STPG2: variants seen among roughly 807,000 people sequenced by gnomAD.
The protein encoded by STPG2 is sperm-tail PG-rich repeat-containing protein 2.
A neutral mutation model predicts 54.2 loss-of-function variants in STPG2; 56 were observed. The observed-to-expected ratio is 1.03, with a 90% CI of 0.83 to 1.29. The LOEUF (loss-of-function observed/expected upper bound fraction) is 1.29. Ranked by LOEUF, STPG2 falls within the 50% of genes most tolerant of loss-of-function variation. STPG2 has a pLI of 0.00. For missense variants in STPG2, 596 were observed against 544.9 expected (o/e 1.09, Z -0.93); for synonymous variants, 200 against 181.8 (o/e 1.10, Z -0.81).
intron 9 of STPG2, among the ~76,000 whole-genome samples, chr4:97,775,447 A>C (rs977937829): frequency 6.6e-6 from 1 of 152,114 alleles, no homozygotes; most frequent in Admixed American, 6.6e-5. Context: ...TAAATAAATA[A>C]AAATAAAATA....
chr4:97,838,820 T>C (rs1259954562), intron 9 of STPG2, among the ~76,000 whole-genome samples: 1 of 151,606 alleles, frequency 6.6e-6, no homozygotes, highest in African/African-American at 2.4e-5. Context: ...AAATTTCATA[T>C]ATCATGGTAT....
At chr4:97,452,284 CCTT>C (rs1250618688) in intron 4 of STPG2, among the ~76,000 whole-genome samples, 1 of 152,118 alleles carries the variant, frequency 6.6e-6, no homozygotes, top group Non-Finnish European at 1.5e-5. Context: ...GCTCTCCACA[CCTT>C]CTCCAATTTT....
intron 3 of STPG2, among the ~76,000 whole-genome samples, chr4:98,119,367 A>T (rs2865955): frequency 1.3e-4 from 19 of 151,804 alleles, no homozygotes. Context: ...AAATAAATAA[A>T]CTGTACTCTT....
intron 7 of STPG2, among the ~76,000 whole-genome samples, chr4:97,948,824 GGT>G (rs1345770072): frequency 2.6e-5 from 4 of 151,984 alleles, no homozygotes; most frequent in African/African-American, 9.7e-5. Context: ...CTTGTTTTGT[GGT>G]GTGTCATATA....
intron 8 of STPG2, among the ~76,000 whole-genome samples, chr4:97,900,613 T>C (rs1039366722): frequency 2.0e-5 from 3 of 152,098 alleles, no homozygotes; most frequent in African/African-American, 7.2e-5. Flanking sequence ...CAAGATCATG[T>C]CTTTTGCAGA....
At chr4:97,880,730 G>T (rs747056823) in intron 8 of STPG2, among the ~76,000 whole-genome samples, 1 of 151,788 alleles carries the variant, frequency 6.6e-6, no homozygotes, top group Non-Finnish European at 1.5e-5. Flanking sequence ...GAGCATTTTT[G>T]CATTTTTGCA....
intron 8 of STPG2, among the ~76,000 whole-genome samples, chr4:97,897,229 G>T (rs1260515582): frequency 6.6e-6 from 1 of 152,022 alleles, no homozygotes; most frequent in Non-Finnish European, 1.5e-5. Context: ...TCCTACAAAG[G>T]ACATGATCTC....
chr4:97,942,559 C>T (rs1733029927), intron 8 of STPG2, among the ~76,000 whole-genome samples: 1 of 152,024 alleles, frequency 6.6e-6, no homozygotes, highest in Admixed American at 6.6e-5. Flanking sequence ...GACTACATCT[C>T]AGATTCCAAT....
chr4:97,988,359 T>A (rs1734890857), intron 5 of STPG2, among the ~76,000 whole-genome samples: 1 of 152,164 alleles, frequency 6.6e-6, no homozygotes, highest in Non-Finnish European at 1.5e-5. Flanking sequence ...CTATCCAAAA[T>A]AAAATTTTCT....
intron 4 of STPG2, among the ~76,000 whole-genome samples, chr4:97,520,139 G>A (rs1731152104): frequency 6.6e-6 from 1 of 152,082 alleles, no homozygotes; most frequent in Admixed American, 6.6e-5. Flanking sequence ...AAGGACAATG[G>A]AATGGTTATG....
At chr4:97,774,311 A>G (rs1246932054) in intron 9 of STPG2, among the ~76,000 whole-genome samples, 2 of 152,132 alleles carry the variant, frequency 1.3e-5, no homozygotes, top group Non-Finnish European at 2.9e-5. Flanking sequence ...TCTGGGGTAC[A>G]GGACCTTCTT....
intron 9 of STPG2, among the ~76,000 whole-genome samples, chr4:97,799,568 G>A (rs992274653): frequency 1.3e-5 from 2 of 152,196 alleles, no homozygotes; most frequent in Non-Finnish European, 2.9e-5. Flanking sequence ...AGTCTGATGG[G>A]CTTCCCTTTG....
intron 10 of STPG2, among the ~76,000 whole-genome samples, chr4:97,693,970 A>G (rs1723467788): frequency 6.6e-6 from 1 of 152,188 alleles, no homozygotes; most frequent in African/African-American, 2.4e-5. Context: ...ACTGAATGAT[A>G]ATAGTGACAC....
intron 5 of STPG2, among the ~76,000 whole-genome samples, chr4:97,988,757 C>A (rs1469062627): frequency 1.3e-5 from 2 of 152,152 alleles, no homozygotes; most frequent in African/African-American, 4.8e-5. Context: ...AGGCATGCGC[C>A]ACCAGGCCCG....
At chr4:97,559,233 A>G (rs1474528114) in intron 10 of STPG2, 116 bp from the exon 11 acceptor site, 2 of 679,714 alleles carry the variant, frequency 2.9e-6, no homozygotes, top group Non-Finnish European at 4.9e-6. Flanking sequence ...TAGAAGTTAA[A>G]TATATAAAAT....
At chr4:97,727,243 C>A (rs1724653568) in intron 9 of STPG2, among the ~76,000 whole-genome samples, 1 of 151,802 alleles carries the variant, frequency 6.6e-6, no homozygotes, top group South Asian at 2.1e-4. Flanking sequence ...AATAATGTGT[C>A]TATCTCATGA....
chr4:97,600,105 G>A (rs1283881228), intron 10 of STPG2, among the ~76,000 whole-genome samples: 2 of 152,072 alleles, frequency 1.3e-5, no homozygotes, highest in Admixed American at 6.6e-5. Flanking sequence ...AAGGTTGGTG[G>A]AGCGTGAGGA....
At chr4:97,687,647 T>C (rs1723240968) in intron 10 of STPG2, among the ~76,000 whole-genome samples, 1 of 152,222 alleles carries the variant, frequency 6.6e-6, no homozygotes, top group Admixed American at 6.5e-5. Context: ...GCTCCATGCA[T>C]TGAATCTTAA....
chr4:97,849,147 C>T (rs535899278), intron 8 of STPG2, among the ~76,000 whole-genome samples: 62 of 149,510 alleles, frequency 4.1e-4, no homozygotes, highest in Non-Finnish European at 5.2e-4. Flanking sequence ...GAATGTTCTT[C>T]CATTTGTTTG....
Sources: gnomAD v4.1 joint callset for allele counts (sites outside exome capture counted in the v4.1 genomes callset) on GRCh38, gnomAD v4.1.1 for gene constraint, MANE v1.5 for transcripts, NCBI Gene and HGNC (gene_info 2026-07-23, HGNC 2026-07-21) for gene names.